UNC5C: variants seen among roughly 807,000 people sequenced by gnomAD.
The protein encoded by UNC5C is unc-5 netrin receptor C.
In UNC5C, 47 loss-of-function variants were observed where a neutral mutation model predicts 99.8. The ratio of observed to expected loss-of-function variants is 0.47; its 90% CI spans 0.37 to 0.60. The LOEUF (loss-of-function observed/expected upper bound fraction) is 0.60, where lower values mean the gene tolerates loss of function less well. Ranked by LOEUF, UNC5C falls within the 20% of genes least tolerant of loss-of-function variation. The pLI, the probability that UNC5C is intolerant of heterozygous loss-of-function variation, is 0.00. For missense variants in UNC5C, 1,062 were observed against 1,165.9 expected, an observed-to-expected ratio of 0.91 and a Z score of 1.30; for synonymous variants, 487 against 452.2, an observed-to-expected ratio of 1.08 and a Z score of -0.98.
chr4:95,284,773 G>A (rs1362546887), intron 3 of UNC5C, among the ~76,000 whole-genome samples: 1 of 152,124 alleles, frequency 6.6e-6, no homozygotes, highest in African/African-American at 2.4e-5. Context: ...GAGAGGATAG[G>A]GGAGGAAAAT....
intron 12 of UNC5C, among the ~76,000 whole-genome samples, chr4:95,191,756 CCCT>C (rs902154845): frequency 6.7e-6 from 1 of 148,638 alleles, no homozygotes; most frequent in African/African-American, 2.5e-5. Flanking sequence ...CCTCTGCTTA[CCCT>C]CCTCCCCTGC....
intron 4 of UNC5C, among the ~76,000 whole-genome samples, chr4:95,258,382 C>T (rs1164289497): frequency 6.6e-6 from 1 of 152,060 alleles, no homozygotes; most frequent in East Asian, 1.9e-4. Context: ...CTGATTTATA[C>T]AAGAAAGTAG....
chr4:95,317,402 T>G (rs944010003), intron 2 of UNC5C, among the ~76,000 whole-genome samples: 2 of 152,156 alleles, frequency 1.3e-5, no homozygotes, highest in Admixed American at 6.6e-5. Context: ...ACATTCCCAT[T>G]GTGTTGCTAG....
At position 95,170,321 on chromosome 4, in the gene UNC5C, G is replaced by A. The variant is rs765687800; in HGVS notation, c.2463C>T (p.Gly821=). The A allele has an allele frequency of 6.2e-7, 1 of 1,614,130 alleles. No individual in the cohort carries two copies. The highest frequency in any genetic ancestry group is 1.3e-5 in the African/African-American group (1 of 75,058). Residue 821 remains glycine (G), a synonymous_variant, in exon 15 of 16, where the codon GGC becomes GGT. Transcript: ENST00000453304. The stretch of plus-strand genomic sequence containing the variant: ...CAGGATCCAGCAGCGGCAAATCGAT[G>A]CCAGTAGGTTCCTGTAGTTCAGGGA... ...LNCTVSEEPT[G]IDLPLLDPAN...
At chr4:95,396,320 G>C (rs1418458716) in intron 1 of UNC5C, among the ~76,000 whole-genome samples, 1 of 152,194 alleles carries the variant, frequency 6.6e-6, no homozygotes, top group Non-Finnish European at 1.5e-5. Flanking sequence ...AAAGGTGTTA[G>C]AGACATGATT....
chr4:95,269,814 G>A (rs534155822), intron 4 of UNC5C, among the ~76,000 whole-genome samples: 1 of 152,092 alleles, frequency 6.6e-6, no homozygotes, highest in African/African-American at 2.4e-5. Context: ...CTGGGTTCAA[G>A]TGATTCTCCT....
intron 1 of UNC5C, among the ~76,000 whole-genome samples, chr4:95,545,906 A>C (rs945025700): frequency 6.6e-6 from 1 of 152,248 alleles, no homozygotes; most frequent in Non-Finnish European, 1.5e-5. Context: ...ATAGCCAGAA[A>C]GGAGAAAGTT....
In UNC5C at chr4:95,163,885, C is replaced by G. The variant is rs1323494854; in HGVS notation, c.*5349G>C. 1 of 152,212 alleles carries G rather than the reference C, an allele frequency of 6.6e-6. No homozygotes were observed. Among genetic ancestry groups the G allele is most frequent in the Non-Finnish European group, 1.5e-5 (1 of 68,056 alleles). 9.4% of individuals were successfully genotyped at this position (152,212 alleles called of 1,614,324 possible). On this transcript the variant is annotated 3_prime_UTR_variant, in exon 16 of 16. Transcript: ENST00000453304. ...GAGTAGACAGCAGGCTGATGAAGAG[C>G]TGCTAATAATTGGTGGGCTTGCTGT...
At chr4:95,388,491 G>T (rs1745270178) in intron 1 of UNC5C, among the ~76,000 whole-genome samples, 1 of 152,076 alleles carries the variant, frequency 6.6e-6, no homozygotes, top group Non-Finnish European at 1.5e-5. Flanking sequence ...AAACAAACCG[G>T]GGATGAGGCC....
chr4:95,260,077 C>T (rs1740163785), intron 4 of UNC5C, among the ~76,000 whole-genome samples: 1 of 152,140 alleles, frequency 6.6e-6, no homozygotes, highest in South Asian at 2.1e-4. Flanking sequence ...CTATGTTGGT[C>T]CTATGACTGC....
At chr4:95,521,420 G>T (rs1722354843) in intron 1 of UNC5C, among the ~76,000 whole-genome samples, 1 of 151,678 alleles carries the variant, frequency 6.6e-6, no homozygotes, top group Admixed American at 6.6e-5. Context: ...GTTTCACCAT[G>T]TTGGCCAGGC....
At chr4:95,332,566 T>C (rs891606292) in intron 2 of UNC5C, among the ~76,000 whole-genome samples, 1 of 151,938 alleles carries the variant, frequency 6.6e-6, no homozygotes, top group South Asian at 2.1e-4. Flanking sequence ...ATACAAAAAT[T>C]CATTCAAGAT....
At chr4:95,193,419 C>T (rs1737238901) in intron 12 of UNC5C, among the ~76,000 whole-genome samples, 1 of 152,154 alleles carries the variant, frequency 6.6e-6, no homozygotes, top group Admixed American at 6.5e-5. Context: ...TGCAGCGGTG[C>T]CCCACCTTCA....
chr4:95,220,255 TCAGA>T, intron 7 of UNC5C, 79 bp from the exon 8 acceptor site: 1 of 1,305,626 alleles, frequency 7.7e-7, no homozygotes, highest in South Asian at 1.8e-5. Flanking sequence ...TATAATTTTT[TCAGA>T]CATTTACTGC....
chr4:95,205,218 A>G (rs1182951285), intron 11 of UNC5C, among the ~76,000 whole-genome samples: 1 of 152,118 alleles, frequency 6.6e-6, no homozygotes. Context: ...TGTCGTTGTT[A>G]TTGTAACTAC....
At chr4:95,526,814 A>G (rs1722508685) in intron 1 of UNC5C, among the ~76,000 whole-genome samples, 1 of 152,102 alleles carries the variant, frequency 6.6e-6, no homozygotes, top group African/African-American at 2.4e-5. Flanking sequence ...GTGGATTGAA[A>G]AAAAATGATT....
intron 7 of UNC5C, among the ~76,000 whole-genome samples, chr4:95,236,604 AG>A (rs1441834163): frequency 8.5e-5 from 11 of 129,606 alleles, no homozygotes; most frequent in African/African-American, 1.0e-4. Flanking sequence ...AATAAATAAA[AG>A]AAAAAAAAGA....
intron 1 of UNC5C, among the ~76,000 whole-genome samples, chr4:95,360,400 A>G (rs2149434349): frequency 6.6e-6 from 1 of 152,332 alleles, no homozygotes; most frequent in Non-Finnish European, 1.5e-5. Context: ...GGCACAGGAT[A>G]TGTATAACCA....
intron 1 of UNC5C, among the ~76,000 whole-genome samples, chr4:95,421,447 T>C (rs1283932882): frequency 1.3e-5 from 2 of 152,084 alleles, no homozygotes; most frequent in African/African-American, 4.8e-5. Flanking sequence ...TTATCGAACA[T>C]CTATTTGAAT....
Sources: gnomAD v4.1 joint callset for allele counts (sites outside exome capture counted in the v4.1 genomes callset) on GRCh38, gnomAD v4.1.1 for gene constraint, MANE v1.5 for transcripts, NCBI Gene and HGNC (gene_info 2026-07-23, HGNC 2026-07-21) for gene names.